SYT17: variants seen among roughly 807,000 people sequenced by gnomAD.
SYT17 encodes the protein synaptotagmin 17.
SYT17 carries 22 observed loss-of-function variants against 46.7 expected under a neutral mutation model. The ratio of observed to expected loss-of-function variants is 0.47; its 90% CI spans 0.34 to 0.67. SYT17 has a LOEUF of 0.67. SYT17 is among the 30% of genes least tolerant of loss of function. SYT17 has a pLI of 0.01. For missense variants in SYT17, 519 were observed against 612.8 expected, an observed-to-expected ratio of 0.85 and a Z score of 1.62; for synonymous variants, 251 against 248.4, an observed-to-expected ratio of 1.01 and a Z score of -0.10.
chr16:19,180,516 A>G lies in SYT17; in HGVS notation c.308A>G (p.Tyr103Cys). The change falls in exon 4 of 8, where the codon TAC becomes TGC. Residue 103 changes from tyrosine to cysteine, a missense_variant. Coordinates refer to ENST00000355377, the MANE Select transcript of SYT17 (RefSeq NM_016524.4). ...RSSSDTSKST[Y>C]SLTRRISSLE... is the part of the protein sequence containing the mutation. ...TCCTCAGACACATCCAAGTCTACATACAGCCTGACGCGGAGGATTTCGAGT... is the reference window on the plus strand; with the variant it reads ...TCCTCAGACACATCCAAGTCTACATGCAGCCTGACGCGGAGGATTTCGAGT... 6.2e-7 allele frequency: 1 copy of G among 1,614,190 alleles called. No homozygotes were observed.
chr16:19,235,140 A>G (rs1435231768), intron 7 of SYT17, among the ~76,000 whole-genome samples: 1 of 152,202 alleles, frequency 6.6e-6, no homozygotes, highest in Non-Finnish European at 1.5e-5. Flanking sequence ...GAGGACCACA[A>G]AAGTGAGCCC....
chr16:19,242,906 G>C (rs1316832341), intron 7 of SYT17, among the ~76,000 whole-genome samples: 1 of 152,108 alleles, frequency 6.6e-6, no homozygotes, highest in Non-Finnish European at 1.5e-5. Context: ...CTGAAGAAGA[G>C]ATGTGGCTCC....
intron 5 of SYT17, among the ~76,000 whole-genome samples, chr16:19,187,666 A>G (rs1181651144): frequency 6.6e-6 from 1 of 152,158 alleles, no homozygotes; most frequent in Non-Finnish European, 1.5e-5. Flanking sequence ...GCTAATGCTT[A>G]CTCTGGAAAT....
In SYT17 at chr16:19,183,560, A is replaced by T; in HGVS notation, c.364A>T (p.Ile122Phe). The change falls in exon 5 of 8, where the codon ATC becomes TTC. Residue 122 changes from isoleucine (I) to phenylalanine (F), a missense_variant. Physicochemically the swap from Ile to Phe is conservative, Grantham distance 21. Transcript: ENST00000355377. This position sits in a 1 kb window ranked among gnomAD's most constrained non-coding sequence, Gnocchi z 5.6. ...LESRRPSSPLIDIKPIEFGVL... is the reference protein window; with the variant it reads ...LESRRPSSPLFDIKPIEFGVL... ...GTCAAGACGTCCCAGCTCTCCACTC[A>T]TCGATATTAAACCCATCGAGTTTGG... 1 of 1,614,166 alleles carries T rather than the reference A, an allele frequency of 6.2e-7. No homozygotes were observed.
intron 7 of SYT17, among the ~76,000 whole-genome samples, chr16:19,259,758 T>TA (rs1271862426): frequency 2.6e-5 from 4 of 152,046 alleles, no homozygotes; most frequent in Admixed American, 1.3e-4. Flanking sequence ...AGGGTACACT[T>TA]AGAGTGTGTA....
chr16:19,176,257 C>T (rs1318293882), intron 3 of SYT17, among the ~76,000 whole-genome samples: 1 of 152,130 alleles, frequency 6.6e-6, no homozygotes. Flanking sequence ...AACGAACAAA[C>T]AAACAAAACA....
chr16:19,211,773 C>T (rs1965912386), intron 5 of SYT17, among the ~76,000 whole-genome samples: 1 of 151,952 alleles, frequency 6.6e-6, no homozygotes, highest in Non-Finnish European at 1.5e-5. Flanking sequence ...CTACAGGCGC[C>T]CGCCACCAAG....
At chr16:19,235,278 A>G (rs1444477754) in intron 7 of SYT17, among the ~76,000 whole-genome samples, 1 of 152,200 alleles carries the variant, frequency 6.6e-6, no homozygotes, top group Non-Finnish European at 1.5e-5. Flanking sequence ...ACAGTCTACT[A>G]AAGACACTGA....
At chr16:19,254,535 C>G (rs1968424139) in intron 7 of SYT17, among the ~76,000 whole-genome samples, 1 of 152,164 alleles carries the variant, frequency 6.6e-6, no homozygotes, top group African/African-American at 2.4e-5. Context: ...AAGATCACAA[C>G]ATAACATTCT....
intron 5 of SYT17, among the ~76,000 whole-genome samples, chr16:19,185,519 T>A (rs764462448): frequency 3.6e-4 from 54 of 151,816 alleles, no homozygotes; most frequent in Non-Finnish European, 1.2e-4. Flanking sequence ...GAGCCCAGAG[T>A]TTGAGGCTGC....
chr16:19,228,156 T>C (rs1311738598), intron 7 of SYT17, among the ~76,000 whole-genome samples: 1 of 152,138 alleles, frequency 6.6e-6, no homozygotes, highest in East Asian at 1.9e-4. Flanking sequence ...TTTTTTCGAA[T>C]TCCTTGAATT....
chr16:19,168,387 A>G lies in SYT17; in HGVS notation c.-260A>G, dbSNP rs1011976657. On this transcript the variant is annotated 5_prime_UTR_variant, in exon 1 of 8. Coordinates refer to ENST00000355377, the MANE Select transcript of SYT17 (RefSeq NM_016524.4). The surrounding 1 kb of genome is among the most constrained non-coding windows in gnomAD (Gnocchi z 6.9). ...GAGCACGGGACAGCGAGGGAGGCCG[A>G]GGCGGGGGCCCTGGGCGCCCGATAT... 4 of 550,600 alleles carry G rather than the reference A, an allele frequency of 7.3e-6. No homozygotes were observed. The highest frequency in any genetic ancestry group is 1.3e-5 in the Non-Finnish European group (4 of 314,422). 34.1% of individuals were successfully genotyped at this position (550,600 alleles called of 1,614,324 possible).
chr16:19,204,378 T>TG (rs1387326401), intron 5 of SYT17, among the ~76,000 whole-genome samples: 6 of 151,772 alleles, frequency 4.0e-5, no homozygotes, highest in Non-Finnish European at 8.8e-5. Context: ...TGGACAGGCA[T>TG]GGGGGGCTTG....
At chr16:19,215,719 C>T (rs909908378) in intron 5 of SYT17, among the ~76,000 whole-genome samples, 11 of 152,192 alleles carry the variant, frequency 7.2e-5, no homozygotes, top group African/African-American at 2.7e-4. Context: ...ACCCAGCCAA[C>T]TTTATTATTA....
intron 5 of SYT17, among the ~76,000 whole-genome samples, chr16:19,192,863 G>C (rs1402644085): frequency 6.6e-6 from 1 of 152,194 alleles, no homozygotes; most frequent in Non-Finnish European, 1.5e-5. Flanking sequence ...CGAATCAGGT[G>C]GGAGCTGTGA....
intron 1 of SYT17, among the ~76,000 whole-genome samples, chr16:19,169,190 A>G (rs1322356660): frequency 6.6e-6 from 1 of 152,062 alleles, no homozygotes; most frequent in African/African-American, 2.4e-5. Flanking sequence ...TGGTGAAGAG[A>G]AGGGAGCCTG....
chr16:19,237,447 AC>A lies in SYT17; in HGVS notation c.1228+12612del, dbSNP rs373264572. On this transcript the variant is annotated intron_variant, in intron 7 of 7. Coordinates refer to ENST00000355377, the MANE Select transcript of SYT17 (RefSeq NM_016524.4). The stretch of plus-strand genomic sequence containing the variant: ...GGGAAAACAGCTTTCCATAAGACAC[AC>A]CCAACAGTGCGCCATCTCAGTTTAC... 4.9e-3 allele frequency among the ~76,000 whole-genome samples: 749 copies of A among 152,156 alleles called. 6 individuals carry two copies. The highest frequency in any genetic ancestry group is 0.014 in the Middle Eastern group (4 of 294).
At chr16:19,207,253 C>T (rs1356109795) in intron 5 of SYT17, among the ~76,000 whole-genome samples, 5 of 152,166 alleles carry the variant, frequency 3.3e-5, no homozygotes, top group Admixed American at 3.3e-4. Context: ...GCCACTTAAT[C>T]CTCTTTTCTT....
chr16:19,173,884 GT>G (rs1199314272), intron 3 of SYT17, among the ~76,000 whole-genome samples: 1 of 152,180 alleles, frequency 6.6e-6, no homozygotes, highest in Non-Finnish European at 1.5e-5. Flanking sequence ...GTGGAGCGTG[GT>G]TCCGAGCAGA....
Sources: allele counts gnomAD v4.1 joint callset (sites outside exome capture counted in the v4.1 genomes callset), GRCh38; gene constraint gnomAD v4.1.1; non-coding constraint Gnocchi (gnomAD v3.1); transcripts MANE v1.5; gene names NCBI Gene and HGNC (gene_info 2026-07-23, HGNC 2026-07-21).